The following SCFD2 variants were observed in gnomAD, a reference collection of about 807,000 sequenced individuals.
SCFD2 encodes the protein sec1 family domain-containing protein 2.
In SCFD2, 54 loss-of-function variants were observed where a neutral mutation model predicts 58.9. That is an observed-to-expected ratio of 0.92 (90% CI 0.74 to 1.15). SCFD2 has a LOEUF of 1.15. Among genes scored for constraint, SCFD2 ranks in the 50% most tolerant of loss-of-function variants. SCFD2 has a pLI of 0.00. For synonymous variants in SCFD2, 321 were observed against 335.9 expected (o/e 0.96, Z 0.49); for missense variants, 805 against 836.6 (o/e 0.96, Z 0.47).
At chr4:52,886,220 C>G (rs1577798010) in intron 7 of SCFD2, among the ~76,000 whole-genome samples, 1 of 152,312 alleles carries the variant, frequency 6.6e-6, no homozygotes, top group East Asian at 1.9e-4. Flanking sequence ...TTTGTTTTAG[C>G]CTTTTTTTTG....
At chr4:53,147,689 G>C (rs1210524787) in intron 4 of SCFD2, among the ~76,000 whole-genome samples, 1 of 152,200 alleles carries the variant, frequency 6.6e-6, no homozygotes, top group African/African-American at 2.4e-5. Context: ...GAGCAGGGGT[G>C]TCCAATCTTT....
chr4:52,965,517 G>T (rs1720943944), intron 5 of SCFD2, among the ~76,000 whole-genome samples: 1 of 152,194 alleles, frequency 6.6e-6, no homozygotes, highest in Non-Finnish European at 1.5e-5. Context: ...CAGAATCTGT[G>T]CATGCCCAAT....
At chr4:53,146,886 C>A (rs1465388923) in intron 4 of SCFD2, among the ~76,000 whole-genome samples, 1 of 152,098 alleles carries the variant, frequency 6.6e-6, no homozygotes, top group Admixed American at 6.6e-5. Context: ...TAGAAAAAAA[C>A]ACAGTATATA....
intron 8 of SCFD2, among the ~76,000 whole-genome samples, chr4:52,883,220 G>A (rs576749687): frequency 2.0e-4 from 31 of 152,292 alleles, no homozygotes; most frequent in East Asian, 1.9e-3. Flanking sequence ...GTCTCAGATC[G>A]GCAGAGTTTG....
At chr4:52,893,476 T>G (rs773792000) in intron 7 of SCFD2, among the ~76,000 whole-genome samples, 6 of 152,228 alleles carry the variant, frequency 3.9e-5, no homozygotes, top group Admixed American at 2.6e-4. Context: ...CAGCCCATCA[T>G]TTTTGCTCTG....
chr4:53,212,691 CTG>C (rs1349070839), intron 4 of SCFD2, among the ~76,000 whole-genome samples: 2 of 151,236 alleles, frequency 1.3e-5, no homozygotes, highest in Non-Finnish European at 2.9e-5. Context: ...ACAAGGAAAA[CTG>C]TTCATATTAT....
chr4:53,354,379 C>G (rs562001904), intron 1 of SCFD2, among the ~76,000 whole-genome samples: 2,655 of 152,328 alleles, frequency 0.017, 78 homozygotes, highest in African/African-American at 0.061. Flanking sequence ...GTGTGGGGCG[C>G]GCCGAGCCCA....
chr4:53,176,467 C>A (rs1199962732), intron 4 of SCFD2, among the ~76,000 whole-genome samples: 1 of 152,204 alleles, frequency 6.6e-6, no homozygotes, highest in African/African-American at 2.4e-5. Flanking sequence ...ACTTAGCCAA[C>A]ACAGAAACAC....
chr4:53,173,651 C>G (rs556593511), intron 4 of SCFD2, among the ~76,000 whole-genome samples: 1 of 152,050 alleles, frequency 6.6e-6, no homozygotes, highest in African/African-American at 2.4e-5. Flanking sequence ...TTTCTAGATA[C>G]TTTATTTCTT....
intron 5 of SCFD2, among the ~76,000 whole-genome samples, chr4:53,142,189 C>T (rs1041478664): frequency 6.6e-6 from 1 of 152,088 alleles, no homozygotes. Context: ...ATTCAACTAC[C>T]CTGTGTTTGT....
chr4:53,166,336 T>A (rs1727007564), intron 4 of SCFD2, among the ~76,000 whole-genome samples: 1 of 152,230 alleles, frequency 6.6e-6, no homozygotes, highest in Non-Finnish European at 1.5e-5. Flanking sequence ...TGACATTTAA[T>A]CTTTGTCAAT....
chr4:53,223,114 G>GAAA (rs1413600504), intron 4 of SCFD2, among the ~76,000 whole-genome samples: 1 of 151,898 alleles, frequency 6.6e-6, no homozygotes, highest in Non-Finnish European at 1.5e-5. Flanking sequence ...TTGGCTTTCT[G>GAAA]AAAAAAATAT....
At chr4:53,116,948 T>C (rs1725342569) in intron 5 of SCFD2, among the ~76,000 whole-genome samples, 1 of 152,132 alleles carries the variant, frequency 6.6e-6, no homozygotes, top group African/African-American at 2.4e-5. Context: ...CCATATGCAA[T>C]GAAAGTTGAA....
intron 7 of SCFD2, among the ~76,000 whole-genome samples, chr4:52,887,494 G>A (rs527836707): frequency 2.0e-5 from 3 of 152,208 alleles, no homozygotes; most frequent in Non-Finnish European, 2.9e-5. Flanking sequence ...GTTTTGAGCT[G>A]AATCTGGAAG....
At chr4:53,007,305 G>GGAGAGGGA (rs1553913999) in intron 5 of SCFD2, among the ~76,000 whole-genome samples, 1 of 66,072 alleles carries the variant, frequency 1.5e-5, no homozygotes, top group African/African-American at 6.2e-5. Context: ...AGAGGGAGAG[G>GGAGAGGGA]GAGAGAGAGA....
chr4:53,118,507 C>T (rs1358023951), intron 5 of SCFD2, among the ~76,000 whole-genome samples: 1 of 152,066 alleles, frequency 6.6e-6, no homozygotes, highest in African/African-American at 2.4e-5. Context: ...CCTTTGAAAA[C>T]ATGACATCTC....
chr4:53,128,677 T>C (rs1169516984), intron 5 of SCFD2, among the ~76,000 whole-genome samples: 2 of 152,206 alleles, frequency 1.3e-5, no homozygotes, highest in Non-Finnish European at 2.9e-5. Flanking sequence ...TTGAAATATG[T>C]TTCTGGGAAC....
chr4:53,286,559 T>C (rs564319768), intron 3 of SCFD2, among the ~76,000 whole-genome samples: 2 of 151,922 alleles, frequency 1.3e-5, no homozygotes, highest in African/African-American at 2.4e-5. Context: ...ATATACCCCA[T>C]GCTCCCTAGT....
At chr4:53,304,593 C>G (rs1732453408) in intron 3 of SCFD2, among the ~76,000 whole-genome samples, 1 of 151,634 alleles carries the variant, frequency 6.6e-6, no homozygotes, top group Non-Finnish European at 1.5e-5. Flanking sequence ...TCTCTGATAT[C>G]CTTTCTTCTG....
Sources: gnomAD v4.1 joint callset for allele counts (sites outside exome capture counted in the v4.1 genomes callset) on GRCh38, gnomAD v4.1.1 for gene constraint, MANE v1.5 for transcripts, NCBI Gene and HGNC (gene_info 2026-07-23, HGNC 2026-07-21) for gene names.